The following C16orf92 variants were observed in gnomAD, a reference collection of about 807,000 sequenced individuals.
C16orf92 encodes the protein fertilization-influencing membrane protein 1.
C16orf92 carries 14 observed loss-of-function variants against 13.7 expected under a neutral mutation model. The observed-to-expected ratio is 1.02, with a 90% confidence interval of 0.67 to 1.60. C16orf92 has a LOEUF of 1.60. Among genes scored for constraint, C16orf92 ranks in the 40% most tolerant of loss-of-function variants. C16orf92 has a pLI of 0.00. For synonymous variants in C16orf92, 50 were observed against 57.4 expected, an observed-to-expected ratio of 0.87 and a Z score of 0.58; for missense variants, 116 against 139.0, an observed-to-expected ratio of 0.83 and a Z score of 0.83.
At chr16:30,025,567 A>C (rs758665971), downstream of C16orf92, 6 of 1,538,948 alleles carry the variant, frequency 3.9e-6, no homozygotes, top group Admixed American at 1.0e-4. The surrounding 1 kb of genome is among the most constrained non-coding windows in gnomAD (Gnocchi z 4.1). Flanking sequence ...GCTCCTCCCA[A>C]ACCAGACACT....
Position 30,023,838 on chromosome 16 carries a change from C to A in C16orf92, c.176C>A (p.Ala59Asp). The A allele has an allele frequency of 6.2e-7, 1 of 1,614,162 alleles. No homozygotes were observed. Among genetic ancestry groups the A allele is most frequent in the Non-Finnish European group, 8.5e-7 (1 of 1,180,002 alleles). ...YPDSDQARLL[A>D]VAQFIGEKPI... is the part of the protein sequence containing the mutation. ...GACTCAGACCAAGCCAGGCTGCTGG[C>A]TGTGGCCCAGTTTATTGGAGAGAAA... Residue 59 changes from alanine (A) to aspartate (D), a missense_variant, in exon 2 of 4, where the codon GCT becomes GAT. Physicochemically the swap from Ala to Asp is moderately radical, Grantham distance 126. Transcript: ENST00000681219.
At chr16:30,025,757 G>T, downstream of C16orf92, 1 of 1,614,136 alleles carries the variant, frequency 6.2e-7, no homozygotes, top group Non-Finnish European at 8.5e-7. The surrounding 1 kb of genome is among the most constrained non-coding windows in gnomAD (Gnocchi z 4.1). Flanking sequence ...GCAGACGAAG[G>T]GCGTGCTGAC....
At chr16:30,025,320 T>A (rs2071068199), downstream of C16orf92, 4 of 1,570,350 alleles carry the variant, frequency 2.5e-6, no homozygotes, top group Non-Finnish European at 3.5e-6. The surrounding 1 kb of genome is among the most constrained non-coding windows in gnomAD (Gnocchi z 4.1). Flanking sequence ...TGGGCAGGGA[T>A]GGCCAGGGGC....
Position 30,023,762 on chromosome 16 carries a change from G to C in C16orf92, c.100G>C (p.Gly34Arg). ...CAAGCGTGCCACGGCGTCAGCCCTG[G>C]GGACAGAGTCTCCGCGCTTCTTAGA... ...RPKRATASALGTESPRFLDRP... is the reference protein window; with the variant it reads ...RPKRATASALRTESPRFLDRP... Residue 34 changes from glycine to arginine, a missense_variant, in exon 2 of 4, where the codon GGG becomes CGG. Gly to Arg is a moderately radical substitution (Grantham distance 125). Coordinates refer to ENST00000681219, the MANE Select transcript of C16orf92 (RefSeq NM_001109659.2). 6.2e-7 allele frequency: 1 copy of C among 1,614,080 alleles called. No individual in the cohort carries two copies. Among genetic ancestry groups the C allele is most frequent in the South Asian group, 1.1e-5 (1 of 91,082 alleles).
chr16:30,026,725 C>G, downstream of C16orf92: 2 of 1,614,062 alleles, frequency 1.2e-6, no homozygotes, highest in Non-Finnish European at 1.7e-6. Context: ...CTGGCCGCTC[C>G]GTCGTCCCCT....
At chr16:30,025,110 C>T (rs2071047619), downstream of C16orf92, 5 of 1,094,168 alleles carry the variant, frequency 4.6e-6, no homozygotes, top group Non-Finnish European at 6.3e-6. The surrounding 1 kb of genome is among the most constrained non-coding windows in gnomAD (Gnocchi z 4.1). Flanking sequence ...GGCTCCCAAC[C>T]CCAGCCATCA....
At chr16:30,026,997 C>A (rs891959285), downstream of C16orf92, 29 of 709,958 alleles carry the variant, frequency 4.1e-5, no homozygotes, top group Non-Finnish European at 5.1e-5. Flanking sequence ...GAAACTTGCC[C>A]AAGGTCACAC....
At chr16:30,026,304 C>T (rs368741590), downstream of C16orf92, among the ~76,000 whole-genome samples, 5 of 152,102 alleles carry the variant, frequency 3.3e-5, no homozygotes, top group South Asian at 4.1e-4. Context: ...ATCCCTCTCA[C>T]GGTCCTGCAG....
chr16:30,023,786 G>A lies in C16orf92; in HGVS notation c.124G>A (p.Asp42Asn), dbSNP rs1376532813. The A allele has an allele frequency of 6.2e-7, 1 of 1,614,144 alleles. No individual in the cohort carries two copies. Among genetic ancestry groups the A allele is most frequent in the Non-Finnish European group, 8.5e-7 (1 of 1,180,020 alleles). ...GGGGACAGAGTCTCCGCGCTTCTTA[G>A]ACAGACCTGACTTCTTCGATTATCC... ...ALGTESPRFL[D>N]RPDFFDYPDS... Residue 42 changes from aspartate to asparagine, a missense_variant, in exon 2 of 4, where the codon GAC becomes AAC. Coordinates refer to ENST00000681219, the MANE Select transcript of C16orf92 (RefSeq NM_001109659.2).
At position 30,024,593 on chromosome 16, in the gene C16orf92, C is replaced by T. The variant is rs938136438; in HGVS notation, c.*366C>T. Reference sequence around the variant, plus strand: ...TGAGGGACTGGGCGCCCTCGCCTGCCCCCGGGGTTGTCAGCACTGGGAAGG... The same window carrying T: ...TGAGGGACTGGGCGCCCTCGCCTGCTCCCGGGGTTGTCAGCACTGGGAAGG... On this transcript the variant is annotated 3_prime_UTR_variant, in exon 4 of 4. Coordinates refer to ENST00000681219, the MANE Select transcript of C16orf92 (RefSeq NM_001109659.2). 4 of 307,356 alleles carry T rather than the reference C, an allele frequency of 1.3e-5. No homozygotes were observed. Among genetic ancestry groups the T allele is most frequent in the Non-Finnish European group, 2.4e-5 (4 of 165,934 alleles). 19.0% of individuals were successfully genotyped at this position (307,356 alleles called of 1,614,324 possible). A position where few individuals can be genotyped will look rare whatever the true frequency, so the allele number is the denominator to read the frequency against.
chr16:30,024,475 C>T lies in C16orf92; in HGVS notation c.*248C>T. On this transcript the variant is annotated 3_prime_UTR_variant, in exon 4 of 4. Coordinates refer to ENST00000681219, the MANE Select transcript of C16orf92 (RefSeq NM_001109659.2). ...TATTAGCGGTCTGTAAAGCACCTCC[C>T]AGGGTCCCCCGACCCCAGATTGGAG... The T allele has an allele frequency of 1.7e-6, 1 of 574,766 alleles. No individual in the cohort carries two copies. Among genetic ancestry groups the T allele is most frequent in the Non-Finnish European group, 3.0e-6 (1 of 328,144 alleles). The allele number at this position is 574,766 out of a possible 1,614,324, so 35.6% of individuals were successfully genotyped here.
In C16orf92 at chr16:30,023,837, G is replaced by A; in HGVS notation, c.175G>A (p.Ala59Thr). The A allele has an allele frequency of 6.2e-7, 1 of 1,614,158 alleles. No individual in the cohort carries two copies. The highest frequency in any genetic ancestry group is 1.1e-5 in the South Asian group (1 of 91,088). ...GGACTCAGACCAAGCCAGGCTGCTG[G>A]CTGTGGCCCAGTTTATTGGAGAGAA... ...YPDSDQARLLAVAQFIGEKPI... is the reference protein window; with the variant it reads ...YPDSDQARLLTVAQFIGEKPI... Residue 59 changes from alanine to threonine, a missense_variant, in exon 2 of 4, where the codon GCT (alanine) becomes ACT (threonine). Transcript: ENST00000681219.
rs1046470768 is a variant in C16orf92, at chr16:30,024,442, T to A, written c.*215T>A. 1.4e-5 allele frequency: 9 copies of A among 660,008 alleles called. No homozygotes were observed. Among genetic ancestry groups the A allele is most frequent in the African/African-American group, 9.1e-5 (5 of 54,966 alleles). The allele number at this position is 660,008 out of a possible 1,614,324, so 40.9% of individuals were successfully genotyped here. ...AGGGCCTTGGTGGCGTTCACGCAGA[T>A]CGTCTTTTATTAGCGGTCTGTAAAG... On this transcript the variant is annotated 3_prime_UTR_variant, in exon 4 of 4. Transcript: ENST00000681219.
downstream of C16orf92, chr16:30,027,501 G>T: frequency 2.2e-6 from 1 of 446,164 alleles, no homozygotes; most frequent in South Asian, 1.6e-5. Flanking sequence ...GATCCGAGAG[G>T]CATCAGAGAC....
In C16orf92 at chr16:30,023,845, C is replaced by T. The variant is rs1403683620; in HGVS notation, c.183C>T (p.Ala61=). ...DSDQARLLAV[A]QFIGEKPIVF... Reference sequence around the variant, plus strand: ...ACCAAGCCAGGCTGCTGGCTGTGGCCCAGTTTATTGGAGAGAAACCCATCG... The same window carrying T: ...ACCAAGCCAGGCTGCTGGCTGTGGCTCAGTTTATTGGAGAGAAACCCATCG... Residue 61 remains alanine (A), a synonymous_variant, in exon 2 of 4, where the codon GCC becomes GCT. Transcript: ENST00000681219. The T allele has an allele frequency of 2.5e-6, 4 of 1,614,004 alleles. No individual in the cohort carries two copies. The highest frequency in any genetic ancestry group is 2.5e-6 in the Non-Finnish European group (3 of 1,179,940).
At chr16:30,027,114 G>A, downstream of C16orf92, 1 of 570,602 alleles carries the variant, frequency 1.8e-6, no homozygotes, top group Non-Finnish European at 3.3e-6. Flanking sequence ...GAAAAGACCA[G>A]AAGATGCCCA....
Position 30,024,364 on chromosome 16 carries a change from A to G in C16orf92, c.*137A>G. The G allele has an allele frequency of 8.1e-7, 1 of 1,230,446 alleles. No homozygotes were observed. Among genetic ancestry groups the G allele is most frequent in the Non-Finnish European group, 1.1e-6 (1 of 890,932 alleles). The allele number at this position is 1,230,446 out of a possible 1,614,324, so 76.2% of individuals were successfully genotyped here. On this transcript the variant is annotated 3_prime_UTR_variant, in exon 4 of 4. Coordinates refer to ENST00000681219, the MANE Select transcript of C16orf92 (RefSeq NM_001109659.2). ...GGGGATCCTGTCCCCTCTGTTTCCC[A>G]TGGCCCAAGCCCCCCACCTCCTCCC...
intron 2 of C16orf92, 35 bp downstream of exon 2, chr16:30,023,920 G>T: frequency 2.5e-6 from 4 of 1,595,032 alleles, no homozygotes; most frequent in Non-Finnish European, 3.4e-6. Context: ...CTCCCTCCCC[G>T]CCAGGGTCTG....
chr16:30,026,929 G>T, downstream of C16orf92: 1 of 1,150,746 alleles, frequency 8.7e-7, no homozygotes, highest in Non-Finnish European at 1.3e-6. Flanking sequence ...CAGCACAGCA[G>T]CCCTGGACAG....
Sources: allele counts gnomAD v4.1 joint callset (sites outside exome capture counted in the v4.1 genomes callset), GRCh38; gene constraint gnomAD v4.1.1; non-coding constraint Gnocchi (gnomAD v3.1); transcripts MANE v1.5; gene names NCBI Gene and HGNC (gene_info 2026-07-23, HGNC 2026-07-21).